The following NRG1 variants were observed in gnomAD, a reference collection of about 807,000 sequenced individuals.
The protein encoded by NRG1 is pro-neuregulin-1, membrane-bound isoform.
In NRG1, 18 loss-of-function variants were observed where a neutral mutation model predicts 63.8. The observed-to-expected ratio is 0.28, with a 90% CI of 0.19 to 0.42. The LOEUF is 0.42. Among genes scored for constraint, NRG1 ranks in the 10% least tolerant of loss-of-function variants. The pLI is 1.00. For missense variants in NRG1, 762 were observed against 814.7 expected, an observed-to-expected ratio of 0.94 and a Z score of 0.79; for synonymous variants, 302 against 301.3, an observed-to-expected ratio of 1.00 and a Z score of -0.02.
chr8:32,619,850 G>A (rs1162499599), intron 5 of NRG1, among the ~76,000 whole-genome samples: 4 of 151,924 alleles, frequency 2.6e-5, no homozygotes, highest in South Asian at 4.2e-4. Context: ...TTTAGATTCA[G>A]CGGGTACATT....
At chr8:32,645,678 A>G (rs990500545) in intron 5 of NRG1, among the ~76,000 whole-genome samples, 2 of 152,170 alleles carry the variant, frequency 1.3e-5, no homozygotes, top group Non-Finnish European at 2.9e-5. Flanking sequence ...GCTATGTAGT[A>G]TAGATTTAGA....
At chr8:32,740,183 C>A (rs1164547986) in intron 6 of NRG1, among the ~76,000 whole-genome samples, 1 of 143,398 alleles carries the variant, frequency 7.0e-6, no homozygotes, top group Admixed American at 7.5e-5. Context: ...GAGAAATGAC[C>A]CAACCTCTTT....
intron 1 of NRG1, among the ~76,000 whole-genome samples, chr8:31,796,752 A>G (rs1002489870): frequency 3.9e-5 from 6 of 152,100 alleles, no homozygotes; most frequent in Admixed American, 6.5e-5. Context: ...GTGGAGTGCT[A>G]TTCTTAACTG....
intron 1 of NRG1, among the ~76,000 whole-genome samples, chr8:32,044,211 G>A (rs1820560508): frequency 6.6e-6 from 1 of 151,778 alleles, no homozygotes; most frequent in African/African-American, 2.4e-5. Flanking sequence ...GAATAAAGAT[G>A]ACATTAAATA....
chr8:32,132,754 A>G (rs1358945210), intron 1 of NRG1, among the ~76,000 whole-genome samples: 4 of 152,074 alleles, frequency 2.6e-5, no homozygotes, highest in African/African-American at 9.7e-5. Flanking sequence ...TGATGTTTAA[A>G]TCTATGCACC....
At chr8:31,968,401 G>A (rs1806725799) in intron 1 of NRG1, among the ~76,000 whole-genome samples, 2 of 152,056 alleles carry the variant, frequency 1.3e-5, no homozygotes, top group South Asian at 4.2e-4. Context: ...TTTGCAAATA[G>A]GTACTCACCC....
intron 5 of NRG1, among the ~76,000 whole-genome samples, chr8:32,657,406 TTCTC>T (rs1390262632): frequency 6.6e-6 from 1 of 152,076 alleles, no homozygotes; most frequent in Non-Finnish European, 1.5e-5. Flanking sequence ...GGCTCCACAC[TTCTC>T]TCTCCCACCC....
intron 1 of NRG1, among the ~76,000 whole-genome samples, chr8:31,915,533 T>C (rs1030931829): frequency 3.9e-5 from 6 of 152,198 alleles, no homozygotes; most frequent in Non-Finnish European, 8.8e-5. Flanking sequence ...ATGTCTTAGC[T>C]GAACTTGTAG....
chr8:32,196,352 G>A (rs936895261), intron 1 of NRG1, among the ~76,000 whole-genome samples: 4 of 152,166 alleles, frequency 2.6e-5, no homozygotes, highest in Admixed American at 6.5e-5. Context: ...GCTGATGAGA[G>A]CGGAAGCATG....
At chr8:32,027,447 T>TC in intron 1 of NRG1, among the ~76,000 whole-genome samples, 3 of 131,660 alleles carry the variant, frequency 2.3e-5, no homozygotes, top group African/African-American at 9.4e-5. Flanking sequence ...CTTCCTTCCT[T>TC]CCTTCCTTCC....
Position 32,385,176 on chromosome 8 carries a change from T to C in NRG1, c.38-210652T>C, listed in dbSNP as rs148257394. Reference sequence around the variant, plus strand: ...CTGGGACTACAGGCGCCCGTCACCATGCCCGGCTAATTTTTTTTTTTCTCT... The same window carrying C: ...CTGGGACTACAGGCGCCCGTCACCACGCCCGGCTAATTTTTTTTTTTCTCT... On this transcript the variant is annotated intron_variant, in intron 1 of 10. Transcript: ENST00000519301. 2.2e-3 allele frequency among the ~76,000 whole-genome samples: 338 copies of C among 151,944 alleles called. 2 individuals carry two copies. The highest frequency in any genetic ancestry group is 0.013 in the East Asian group (69 of 5,138).
chr8:32,185,291 T>C (rs928397553), intron 1 of NRG1, among the ~76,000 whole-genome samples: 1 of 152,232 alleles, frequency 6.6e-6, no homozygotes, highest in African/African-American at 2.4e-5. Flanking sequence ...TTAATATTAC[T>C]GTTAGTACCT....
intron 5 of NRG1, among the ~76,000 whole-genome samples, chr8:32,708,532 T>A (rs1817006826): frequency 6.6e-6 from 1 of 152,216 alleles, no homozygotes; most frequent in African/African-American, 2.4e-5. Flanking sequence ...AGTAGGGACT[T>A]TGTGGTCAGA....
intron 1 of NRG1, among the ~76,000 whole-genome samples, chr8:32,253,563 C>A (rs1272293149): frequency 6.6e-6 from 1 of 152,156 alleles, no homozygotes; most frequent in South Asian, 2.1e-4. Flanking sequence ...GGTGGATAAG[C>A]TTTTTGATGT....
intron 1 of NRG1, among the ~76,000 whole-genome samples, chr8:31,674,604 T>C (rs1371538956): frequency 1.3e-5 from 2 of 152,030 alleles, no homozygotes; most frequent in African/African-American, 4.8e-5. Context: ...ACTCATGCCT[T>C]CTTGAGGCTT....
chr8:32,305,343 A>G (rs972961058), intron 1 of NRG1, among the ~76,000 whole-genome samples: 6 of 152,228 alleles, frequency 3.9e-5, no homozygotes, highest in Non-Finnish European at 8.8e-5. Context: ...TATTTTAGAA[A>G]TAATTCTAGC....
intron 1 of NRG1, among the ~76,000 whole-genome samples, chr8:31,700,202 G>C (rs1485160147): frequency 6.6e-6 from 1 of 152,126 alleles, no homozygotes; most frequent in Non-Finnish European, 1.5e-5. Context: ...ATTTCATGCA[G>C]TTGCAGACTT....
chr8:32,754,220 A>G, intron 7 of NRG1, 152 bp from the exon 8 acceptor site: 1 of 673,594 alleles, frequency 1.5e-6, no homozygotes, highest in Non-Finnish European at 2.6e-6. Flanking sequence ...AGCATGTTGT[A>G]CCTTAGCTAT....
At chr8:32,192,600 G>A (rs1331521821) in intron 1 of NRG1, among the ~76,000 whole-genome samples, 1 of 151,972 alleles carries the variant, frequency 6.6e-6, no homozygotes, top group East Asian at 1.9e-4. Flanking sequence ...ATGCAGGAAG[G>A]TGGGAGGGGT....
Sources: allele counts gnomAD v4.1 joint callset (sites outside exome capture counted in the v4.1 genomes callset), GRCh38; gene constraint gnomAD v4.1.1; transcripts MANE v1.5; gene names NCBI Gene and HGNC (gene_info 2026-07-23, HGNC 2026-07-21).